The following SNW1 variants were observed in gnomAD, a reference collection of about 807,000 sequenced individuals.
SNW1 encodes SNW domain-containing protein 1.
SNW1 carries 9 observed loss-of-function variants against 75.6 expected under a neutral mutation model. The observed-to-expected ratio is 0.12, with a 90% CI of 0.07 to 0.21. SNW1 has a LOEUF of 0.21. Among genes scored for constraint, SNW1 ranks in the 10% least tolerant of loss-of-function variants. The pLI is 1.00. For missense variants in SNW1, 409 were observed against 670.9 expected (o/e 0.61, Z 4.31); for synonymous variants, 200 against 219.1 (o/e 0.91, Z 0.77).
At chr14:77,733,724 A>C (rs1324921411) in intron 8 of SNW1, among the ~76,000 whole-genome samples, 1 of 133,072 alleles carries the variant, frequency 7.5e-6, no homozygotes, top group Non-Finnish European at 1.5e-5. Context: ...CAGCCTGGGC[A>C]ACAGAGCGAG....
Position 77,720,083 on chromosome 14 carries a change from T to G in SNW1, c.1248+628A>C, listed in dbSNP as rs535181434. 1.7e-3 allele frequency among the ~76,000 whole-genome samples: 260 copies of G among 152,314 alleles called. 2 individuals are homozygous for G. In the Middle Eastern group the frequency reaches 0.024, roughly 14 times the overall value. ...CTTCATTTTTAAAAGAATCCCAAATTGATATATTTCTATAGCATTAAAAGA... is the reference window on the plus strand; with the variant it reads ...CTTCATTTTTAAAAGAATCCCAAATGGATATATTTCTATAGCATTAAAAGA... On this transcript the variant is annotated intron_variant, in intron 12 of 13. Coordinates refer to ENST00000261531, the MANE Select transcript of SNW1 (RefSeq NM_012245.3).
rs75406534 is a variant in SNW1, at chr14:77,750,888, T to C, written c.330+431A>G. Among the ~76,000 whole-genome samples the C allele has an allele frequency of 8.4e-3, 1,280 of 152,270 alleles. 14 individuals carry two copies. The highest frequency in any genetic ancestry group is 0.03 in the African/African-American group (1,232 of 41,540). ...CAAATAAACTATTAAATACTTGTAA[T>C]AGAGTACATGTAAGTACTCTAAGTA... On this transcript the variant is annotated intron_variant, in intron 3 of 13. Coordinates refer to ENST00000261531, the MANE Select transcript of SNW1 (RefSeq NM_012245.3).
chr14:77,743,635 A>G (rs1268647857), intron 3 of SNW1, among the ~76,000 whole-genome samples: 2 of 152,158 alleles, frequency 1.3e-5, no homozygotes, highest in African/African-American at 2.4e-5. Flanking sequence ...GTCCATTTCT[A>G]TTTCTTCTAA....
intron 1 of SNW1, among the ~76,000 whole-genome samples, chr14:77,757,771 G>C (rs1168709219): frequency 2.6e-5 from 4 of 152,054 alleles, no homozygotes; most frequent in African/African-American, 4.8e-5. Context: ...CTCACAGCTC[G>C]AGCTCCTTAA....
chr14:77,749,890 C>T (rs1193887224), intron 3 of SNW1, among the ~76,000 whole-genome samples: 1 of 152,090 alleles, frequency 6.6e-6, no homozygotes, highest in Admixed American at 6.6e-5. Context: ...GATTGGGATC[C>T]AGAATACATA....
At position 77,731,138 on chromosome 14, in the gene SNW1, A is replaced by G. The variant is rs1169995321; in HGVS notation, c.892-9T>C. 1 of 1,613,092 alleles carries G rather than the reference A, an allele frequency of 6.2e-7. No homozygotes were observed. ...TCCACAGCTTCACGAGCCTGTTGGT[A>G]AAGTCACATGTTAAACAGGACACTA... On this transcript the variant is annotated splice_polypyrimidine_tract_variant and intron_variant, in intron 9 of 13. Transcript: ENST00000261531.
At chr14:77,755,413 GCTTCCATATTTC>G (rs1203698868) in intron 1 of SNW1, among the ~76,000 whole-genome samples, 4 of 152,094 alleles carry the variant, frequency 2.6e-5, no homozygotes, top group Non-Finnish European at 4.4e-5. Flanking sequence ...AAGCGTTTAT[GCTTCCATATTTC>G]CTTTTTTTTT....
chr14:77,727,981 T>C (rs906370056), intron 10 of SNW1, among the ~76,000 whole-genome samples: 3 of 151,860 alleles, frequency 2.0e-5, no homozygotes, highest in Non-Finnish European at 4.4e-5. Flanking sequence ...GTTCTTTAAA[T>C]GTTTGGAAAA....
At chr14:77,753,867 C>T (rs971657579) in intron 2 of SNW1, among the ~76,000 whole-genome samples, 1 of 151,326 alleles carries the variant, frequency 6.6e-6, no homozygotes, top group South Asian at 2.1e-4. Flanking sequence ...GCAGGAGAAT[C>T]GCTTGAACCC....
At chr14:77,744,532 T>C (rs912495875) in intron 3 of SNW1, among the ~76,000 whole-genome samples, 1 of 151,698 alleles carries the variant, frequency 6.6e-6, no homozygotes, top group Non-Finnish European at 1.5e-5. Flanking sequence ...GAGACCTTAT[T>C]TGGCCAAGAT....
At chr14:77,735,135 GC>G in intron 7 of SNW1, 123 bp from the exon 8 acceptor site, 1 of 597,308 alleles carries the variant, frequency 1.7e-6, no homozygotes, top group South Asian at 2.5e-5. Context: ...GTAGTAAAAG[GC>G]CAGCAGTCCA....
At chr14:77,723,374 G>T in intron 10 of SNW1, 97 bp from the exon 11 acceptor site, 1 of 889,766 alleles carries the variant, frequency 1.1e-6, no homozygotes, top group Non-Finnish European at 1.8e-6. Context: ...AAAAGAGACA[G>T]CATCTCACTC....
At chr14:77,728,413 TA>T (rs1255103530) in intron 10 of SNW1, among the ~76,000 whole-genome samples, 3 of 152,232 alleles carry the variant, frequency 2.0e-5, no homozygotes, top group Non-Finnish European at 4.4e-5. Flanking sequence ...ATTGCATCAT[TA>T]CACTTCAGCC....
At position 77,723,347 on chromosome 14, in the gene SNW1, A is replaced by G. The variant is rs919772799; in HGVS notation, c.1034-70T>C. On this transcript the variant is annotated intron_variant, in intron 10 of 13. Coordinates refer to ENST00000261531, the MANE Select transcript of SNW1 (RefSeq NM_012245.3). ...TGTGTGCATACGTGTACACGTGTGT[A>G]TATATATAATTTTTTAAAAAGAGAC... 17 of 1,154,506 alleles carry G rather than the reference A, an allele frequency of 1.5e-5. No individual in the cohort carries two copies. The Middle Eastern group carries it at 7.7e-4, about 53-fold the overall frequency. The allele number at this position is 1,154,506 out of a possible 1,614,324, so 71.5% of individuals were successfully genotyped here. A position where few individuals can be genotyped will look rare whatever the true frequency, so the allele number is the denominator to read the frequency against.
At chr14:77,743,965 G>A (rs546497038) in intron 3 of SNW1, among the ~76,000 whole-genome samples, 1 of 152,134 alleles carries the variant, frequency 6.6e-6, no homozygotes, top group South Asian at 2.1e-4. Context: ...ATATAAACCT[G>A]AGAGTGGTCC....
chr14:77,721,287 T>A (rs1041113690), intron 11 of SNW1, among the ~76,000 whole-genome samples: 1 of 152,214 alleles, frequency 6.6e-6, no homozygotes, highest in Non-Finnish European at 1.5e-5. Flanking sequence ...GAGGAAAACA[T>A]GTCAATGACT....
rs539498945 is a variant in SNW1 at position 77,736,135 on chromosome 14, TAC to T, written c.639-131_639-130del. ...CAAAAACAGAGACTGTATAATGATA[TAC>T]ATTTACCACTCCACTTTGACAATGA... On this transcript the variant is annotated intron_variant, in intron 6 of 13. Transcript: ENST00000261531. The T allele has an allele frequency of 1.9e-3, 1,173 of 603,686 alleles. 16 individuals are homozygous for T. In the African/African-American group the frequency reaches 0.02, roughly 10 times the overall value. The allele number at this position is 603,686 out of a possible 1,614,324, so 37.4% of individuals were successfully genotyped here. A position where few individuals can be genotyped will look rare whatever the true frequency, so the allele number is the denominator to read the frequency against.
chr14:77,722,428 C>T (rs1244006737), intron 11 of SNW1: 6 of 405,804 alleles, frequency 1.5e-5, no homozygotes, highest in Non-Finnish European at 2.4e-5. Context: ...AACTGCTCTT[C>T]TCCTCAATTG....
chr14:77,755,002 C>T lies in SNW1; in HGVS notation c.133G>A (p.Gly45Arg), dbSNP rs151149018. ...VSSRREPPPY[G>R]YRKGWIPRLL... ...CGAGGTATCCAGCCTTTCCGGTATC[C>T]GTACGGGGGAGGTTCTCTTCGGGAG... is the stretch of plus-strand genomic sequence containing the variant. The change falls in exon 2 of 14, where the codon GGA (glycine) becomes AGA (arginine). Residue 45 changes from glycine to arginine, a missense_variant. Physicochemically the swap from Gly to Arg is moderately radical, Grantham distance 125 (BLOSUM62 -2). Around this residue, in one of 9 missense-constraint regions of SNW1, gnomAD observed 73 missense variants for 68.3 expected, o/e 1.07. Coordinates refer to ENST00000261531, the MANE Select transcript of SNW1 (RefSeq NM_012245.3). The T allele has an allele frequency of 6.9e-5, 111 of 1,607,540 alleles. No homozygotes were observed. Among genetic ancestry groups the T allele is most frequent in the Non-Finnish European group, 9.0e-5 (106 of 1,177,036 alleles).
Sources: allele counts gnomAD v4.1 joint callset (sites outside exome capture counted in the v4.1 genomes callset), GRCh38; gene constraint gnomAD v4.1.1; regional missense constraint gnomAD v4.1.1; transcripts MANE v1.5; gene names NCBI Gene and HGNC (gene_info 2026-07-23, HGNC 2026-07-21).